The following VPS13C variants were observed in gnomAD, a reference collection of about 807,000 sequenced individuals.
VPS13C encodes the protein intermembrane lipid transfer protein VPS13C.
Under a neutral mutation model 456.8 loss-of-function variants are expected in VPS13C, and 358 were observed. That is an observed-to-expected ratio of 0.78 (90% confidence interval 0.72 to 0.86). The LOEUF is 0.86. Among genes scored for constraint, VPS13C ranks in the 40% least tolerant of loss-of-function variants. VPS13C has a pLI of 0.00. For synonymous variants in VPS13C, 1,578 were observed against 1,486.7 expected (o/e 1.06, Z -1.41); for missense variants, 4,818 against 4,385.4 (o/e 1.10, Z -2.79).
intron 66 of VPS13C, among the ~76,000 whole-genome samples, chr15:61,892,532 C>G (rs999869860): frequency 5.9e-5 from 9 of 152,128 alleles, no homozygotes; most frequent in Admixed American, 2.6e-4. Context: ...AAGACCAAAA[C>G]AAGCCAGAGA....
rs1053522004 is a variant in VPS13C, at chr15:61,937,656, A to G, written c.5602-906T>C. Among the ~76,000 whole-genome samples, 11 of 152,216 alleles carry G rather than the reference A, an allele frequency of 7.2e-5. No individual in the cohort carries two copies. The South Asian group carries it at 1.7e-3, about 23-fold the overall frequency. ...CGCCCGGCTAATTTTTTGTATTTTT[A>G]GTAGAGACGTGGTTTCACCATGTTA... On this transcript the variant is annotated intron_variant, in intron 47 of 84. Coordinates refer to ENST00000644861, the MANE Select transcript of VPS13C (RefSeq NM_020821.3).
chr15:61,872,520 T>C (rs887292637), intron 78 of VPS13C, among the ~76,000 whole-genome samples: 1 of 152,154 alleles, frequency 6.6e-6, no homozygotes, highest in African/African-American at 2.4e-5. Flanking sequence ...CCTTAGTAAC[T>C]GTAACACCCA....
chr15:61,945,937 C>T, intron 44 of VPS13C, 55 bp from the exon 45 acceptor site: 2 of 1,394,052 alleles, frequency 1.4e-6, no homozygotes, highest in South Asian at 1.6e-5. Flanking sequence ...TAGCCCTTAT[C>T]AATGTATTAT....
chr15:61,857,229 A>G (rs955221441), intron 82 of VPS13C, among the ~76,000 whole-genome samples: 2 of 152,188 alleles, frequency 1.3e-5, no homozygotes, highest in African/African-American at 4.8e-5. Flanking sequence ...AGGAGAAACA[A>G]ACATGTAAAT....
At chr15:61,896,045 T>C (rs1596304069) in intron 66 of VPS13C, among the ~76,000 whole-genome samples, 2 of 152,188 alleles carry the variant, frequency 1.3e-5, no homozygotes, top group African/African-American at 4.8e-5. Context: ...ATTACAGATA[T>C]AGCACAATAT....
intron 65 of VPS13C, 140 bp downstream of exon 65, chr15:61,908,852 A>AC (rs1209223188): frequency 1.1e-6 from 1 of 921,460 alleles, no homozygotes; most frequent in African/African-American, 1.7e-5. Context: ...CAAAACATGT[A>AC]AGGGTATTAA....
At chr15:61,865,136 T>C in intron 81 of VPS13C, 1 of 984,970 alleles carries the variant, frequency 1.0e-6, no homozygotes, top group South Asian at 4.7e-5. Context: ...GTTGATAAAA[T>C]ATTCACGTCC....
intron 15 of VPS13C, among the ~76,000 whole-genome samples, chr15:62,002,990 C>T (rs2140470534): frequency 6.6e-6 from 1 of 152,220 alleles, no homozygotes; most frequent in African/African-American, 2.4e-5. Flanking sequence ...TCAGGATTGA[C>T]TTGGCAATGC....
chr15:62,042,189 A>G (rs1369157263), intron 2 of VPS13C, among the ~76,000 whole-genome samples: 2 of 152,194 alleles, frequency 1.3e-5, no homozygotes, highest in Non-Finnish European at 2.9e-5. Flanking sequence ...AGTTACAGAG[A>G]GGTGCCAACA....
rs1280739963 is a variant in VPS13C, at chr15:61,949,462, T to G, written c.4740A>C (p.Arg1580Ser). ...SELKPLVGES[R>S]SIAVKAVSSN... ...TATTACCAGCTTTGACAGCGATACT[T>G]CTGGACTCCCCCACAAGTGGTTTCA... The change falls in exon 42 of 85, where the codon AGA becomes AGC. Residue 1580 changes from arginine to serine, a missense_variant. Physicochemically the swap from Arg to Ser is moderately radical, Grantham distance 110. This residue lies in a region of VPS13C where 4,552 missense variants were observed against 4,130.6 expected (regional missense o/e 1.10). Transcript: ENST00000644861. 1.2e-6 allele frequency: 2 copies of G among 1,613,178 alleles called. No homozygotes were observed. The highest frequency in any genetic ancestry group is 1.3e-5 in the African/African-American group (1 of 74,860).
chr15:61,869,724 G>C, intron 79 of VPS13C, 101 bp from the exon 80 acceptor site: 1 of 1,526,360 alleles, frequency 6.6e-7, no homozygotes, highest in Non-Finnish European at 8.8e-7. Flanking sequence ...TTTTACCCAG[G>C]AAGTTACAAA....
intron 8 of VPS13C, among the ~76,000 whole-genome samples, chr15:62,023,111 T>G (rs2047518399): frequency 1.3e-5 from 2 of 151,872 alleles, no homozygotes; most frequent in South Asian, 4.1e-4. Flanking sequence ...AAAAATTAGT[T>G]CCTTAAAGTT....
At chr15:61,986,745 G>A (rs2046068740) in intron 18 of VPS13C, among the ~76,000 whole-genome samples, 2 of 152,014 alleles carry the variant, frequency 1.3e-5, no homozygotes, top group African/African-American at 4.8e-5. Context: ...AAATGAGAGA[G>A]ATGGGTGGAA....
chr15:61,941,944 T>C lies in VPS13C; in HGVS notation c.5272A>G (p.Ile1758Val). ...ATAATAACTGGTGCTTTCAAATTAA[T>C]ATCCATCAAAAGGCGGAAACTCTTT... The part of the protein sequence containing the change: ...AQKSFRLLMD[I>V]NLKAPVIIIP... The change falls in exon 46 of 85, where the codon ATT (isoleucine) becomes GTT (valine). Residue 1758 changes from isoleucine (I) to valine (V), a missense_variant. Around this residue, in one of 3 missense-constraint regions of VPS13C, gnomAD observed 4,552 missense variants for 4,130.6 expected, o/e 1.10. Transcript: ENST00000644861. 2 of 1,613,998 alleles carry C rather than the reference T, an allele frequency of 1.2e-6. No individual in the cohort carries two copies. The highest frequency in any genetic ancestry group is 2.2e-5 in the East Asian group (1 of 44,856).
intron 9 of VPS13C, among the ~76,000 whole-genome samples, chr15:62,017,250 A>T (rs113192320): frequency 0.33 from 49,391 of 151,932 alleles, 9,499 homozygotes; most frequent in Non-Finnish European, 0.42. Context: ...ATTCACTCTG[A>T]TGATAGTTTC....
chr15:61,963,939 G>T lies in VPS13C; in HGVS notation c.3227C>A (p.Ser1076Tyr). The T allele has an allele frequency of 6.2e-7, 1 of 1,602,864 alleles. No individual in the cohort carries two copies. The highest frequency in any genetic ancestry group is 8.5e-7 in the Non-Finnish European group (1 of 1,171,416). Residue 1076 changes from serine to tyrosine, a missense_variant, in exon 32 of 85, where the codon TCC becomes TAC. Coordinates refer to ENST00000644861, the MANE Select transcript of VPS13C (RefSeq NM_020821.3). The stretch of plus-strand genomic sequence containing the variant: ...GAAATCAATAATGTCACTATCTCTG[G>T]AGGATACAATCGCTAAAAATAAAAC... ...NSTLPKAIVS[S>Y]RDSDIIDFRL...
In VPS13C at chr15:62,033,544, T is replaced by A; in HGVS notation, c.284-2A>T. On this transcript the variant is annotated splice_acceptor_variant, in intron 4 of 84. Transcript: ENST00000644861. LOFTEE classifies it high-confidence loss of function. ...CTTTTACAGCATCATACTTAATACCTAAAAATATACAGTCAATTCACACAA... is the reference window on the plus strand; with the variant it reads ...CTTTTACAGCATCATACTTAATACCAAAAAATATACAGTCAATTCACACAA... 1 of 1,564,082 alleles carries A rather than the reference T, an allele frequency of 6.4e-7. No individual in the cohort carries two copies.
chr15:62,048,683 T>A (rs1325218005), intron 1 of VPS13C, among the ~76,000 whole-genome samples: 5 of 150,484 alleles, frequency 3.3e-5, no homozygotes, highest in South Asian at 2.1e-4. Context: ...CGCCACACTG[T>A]CTTCCACAAT....
intron 66 of VPS13C, among the ~76,000 whole-genome samples, chr15:61,904,771 T>C (rs560687423): frequency 6.6e-6 from 1 of 152,244 alleles, no homozygotes; most frequent in Admixed American, 6.5e-5. Context: ...AAATGTGCTA[T>C]ATATACAGAA....
Sources: allele counts gnomAD v4.1 joint callset (sites outside exome capture counted in the v4.1 genomes callset), GRCh38; gene constraint gnomAD v4.1.1; regional missense constraint gnomAD v4.1.1; transcripts MANE v1.5; gene names NCBI Gene and HGNC (gene_info 2026-07-23, HGNC 2026-07-21).